Variants in NEGR1 observed in about 807,000 individuals in gnomAD.
NEGR1 encodes the protein neuronal growth regulator 1.
A neutral mutation model predicts 40.9 loss-of-function variants in NEGR1; 10 were observed. The ratio of observed to expected loss-of-function variants is 0.24; its 90% CI spans 0.15 to 0.42. The LOEUF is 0.42. NEGR1 is among the 10% of genes least tolerant of loss of function. NEGR1 has a pLI of 1.00. For synonymous variants in NEGR1, 185 were observed against 166.8 expected, an observed-to-expected ratio of 1.11 and a Z score of -0.84; for missense variants, 352 against 438.9, an observed-to-expected ratio of 0.80 and a Z score of 1.77.
intron 1 of NEGR1, among the ~76,000 whole-genome samples, chr1:72,129,121 A>C (rs1341672342): frequency 1.3e-5 from 2 of 152,144 alleles, no homozygotes; most frequent in African/African-American, 4.8e-5. Flanking sequence ...GGAACTTTTC[A>C]GCCCCCTTAA....
In NEGR1 at chr1:71,641,458, G is replaced by T. The variant is rs373686558; in HGVS notation, c.668-30312C>A. On this transcript the variant is annotated intron_variant, in intron 4 of 6. Coordinates refer to ENST00000357731, the MANE Select transcript of NEGR1 (RefSeq NM_173808.3). ...CAAATGCATGAAAAAGCATGATGGT[G>T]ACCCAGTGGTGGGTTTCCTCTGTAT... 1.1e-4 allele frequency among the ~76,000 whole-genome samples: 16 copies of T among 152,156 alleles called. No individual in the cohort carries two copies. The East Asian group carries it at 2.9e-3, about 28-fold the overall frequency.
intron 3 of NEGR1, among the ~76,000 whole-genome samples, chr1:71,729,815 T>A (rs566088481): frequency 6.6e-6 from 1 of 150,964 alleles, no homozygotes; most frequent in East Asian, 2.0e-4. Flanking sequence ...TTTTTGTTTT[T>A]TTGTTTTGTT....
At chr1:72,095,344 T>A in intron 1 of NEGR1, among the ~76,000 whole-genome samples, 1 of 152,230 alleles carries the variant, frequency 6.6e-6, no homozygotes, top group South Asian at 2.1e-4. Flanking sequence ...TTTCCTTACT[T>A]TATCAATAAT....
chr1:71,956,340 A>T (rs919448375), intron 1 of NEGR1, among the ~76,000 whole-genome samples: 2 of 152,164 alleles, frequency 1.3e-5, no homozygotes, highest in South Asian at 2.1e-4. Context: ...ACAAATTAGA[A>T]ATATATTCAA....
At chr1:71,795,410 T>C (rs1299336151) in intron 2 of NEGR1, among the ~76,000 whole-genome samples, 1 of 152,086 alleles carries the variant, frequency 6.6e-6, no homozygotes, top group Admixed American at 6.6e-5. Context: ...GTTCTCAATA[T>C]TGAATGCACA....
intron 6 of NEGR1, among the ~76,000 whole-genome samples, chr1:71,577,838 G>T (rs1252013503): frequency 6.6e-6 from 1 of 152,108 alleles, no homozygotes; most frequent in Non-Finnish European, 1.5e-5. Flanking sequence ...AATCACAAAA[G>T]ATAATAATGT....
rs542191020 is a variant in NEGR1, at chr1:71,578,870, C to G, written c.940+13947G>C. 1.7e-4 allele frequency among the ~76,000 whole-genome samples: 26 copies of G among 152,158 alleles called. No individual in the cohort carries two copies. The East Asian group carries it at 4.8e-3, about 28-fold the overall frequency. ...CTATTTCTTTAAGAAAAAATTGGCA[C>G]AAGCATATCTGATTTTCCAGAAATA... On this transcript the variant is annotated intron_variant, in intron 6 of 6. Transcript: ENST00000357731.
At position 71,524,727 on chromosome 1, in the gene NEGR1, C is replaced by T. The variant is rs146966149; in HGVS notation, c.940+68090G>A. Among the ~76,000 whole-genome samples the T allele has an allele frequency of 8.3e-3, 1,267 of 151,766 alleles. 46 individuals are homozygous for T. The highest frequency in any genetic ancestry group is 0.059 in the East Asian group (301 of 5,116). On this transcript the variant is annotated intron_variant, in intron 6 of 6. Coordinates refer to ENST00000357731, the MANE Select transcript of NEGR1 (RefSeq NM_173808.3). ...AGGTAGCAGATTGGATTATGATTAG[C>T]TGACTTTAAAATAGGTAGATTATCC...
chr1:71,663,322 ATCTTAAT>A (rs1652132501), intron 4 of NEGR1, among the ~76,000 whole-genome samples: 1 of 152,156 alleles, frequency 6.6e-6, no homozygotes, highest in Non-Finnish European at 1.5e-5. Context: ...CAGCTTCTAC[ATCTTAAT>A]TCTTATCATG....
At chr1:72,242,659 ATCAG>A (rs1654784057) in intron 1 of NEGR1, among the ~76,000 whole-genome samples, 1 of 151,722 alleles carries the variant, frequency 6.6e-6, no homozygotes, top group Non-Finnish European at 1.5e-5. Context: ...GCTAACATTT[ATCAG>A]GCACTTATGT....
intron 6 of NEGR1, among the ~76,000 whole-genome samples, chr1:71,552,552 A>G (rs1437979140): frequency 6.8e-6 from 1 of 148,012 alleles, no homozygotes; most frequent in Non-Finnish European, 1.5e-5. Flanking sequence ...TAGTCTATAT[A>G]TAGGATATAT....
intron 4 of NEGR1, among the ~76,000 whole-genome samples, chr1:71,628,678 TC>T (rs1650870182): frequency 6.6e-6 from 1 of 151,968 alleles, no homozygotes; most frequent in Admixed American, 6.6e-5. Flanking sequence ...GGTTTTCTGT[TC>T]CTGTATTAGT....
At chr1:71,927,508 A>G (rs1448023026) in intron 2 of NEGR1, among the ~76,000 whole-genome samples, 9 of 152,102 alleles carry the variant, frequency 5.9e-5, no homozygotes, top group Non-Finnish European at 1.3e-4. Flanking sequence ...AATCTTGCTA[A>G]AGTCTAAGAT....
chr1:71,735,689 A>C (rs1655022445), intron 3 of NEGR1, among the ~76,000 whole-genome samples: 2 of 152,032 alleles, frequency 1.3e-5, no homozygotes, highest in African/African-American at 2.4e-5. Flanking sequence ...TAAGTATATA[A>C]AATGTAAAAG....
chr1:71,919,165 C>A (rs1304107616), intron 2 of NEGR1, among the ~76,000 whole-genome samples: 1 of 152,110 alleles, frequency 6.6e-6, no homozygotes, highest in East Asian at 1.9e-4. Flanking sequence ...AATAATTTTC[C>A]AGCTGGATTC....
intron 6 of NEGR1, among the ~76,000 whole-genome samples, chr1:71,579,022 G>A (rs752590673): frequency 1.3e-5 from 2 of 152,082 alleles, no homozygotes; most frequent in Non-Finnish European, 2.9e-5. Flanking sequence ...CACAGCTTAC[G>A]AACCAAAGCA....
intron 6 of NEGR1, among the ~76,000 whole-genome samples, chr1:71,560,208 T>C (rs1456729852): frequency 6.6e-6 from 1 of 151,208 alleles, no homozygotes; most frequent in Non-Finnish European, 1.5e-5. Context: ...TCTATTCTTA[T>C]AGTTTCCACT....
intron 4 of NEGR1, among the ~76,000 whole-genome samples, chr1:71,638,543 G>A (rs1270259499): frequency 1.3e-5 from 2 of 152,054 alleles, no homozygotes; most frequent in Non-Finnish European, 2.9e-5. Flanking sequence ...CAGTGATAGG[G>A]ACATCAATTG....
chr1:71,417,704 AAAATTATCCCTTCTAGTGTTATGATAAGC>A (rs1381683834), intron 6 of NEGR1, among the ~76,000 whole-genome samples: 1 of 152,210 alleles, frequency 6.6e-6, no homozygotes, highest in Non-Finnish European at 1.5e-5. Flanking sequence ...CAAAGGGGAT[AAAATTATCCCTTCTAGTGTTATGATAAGC>A]AAATTAGACA....
Sources: gnomAD v4.1 joint callset for allele counts (sites outside exome capture counted in the v4.1 genomes callset) on GRCh38, gnomAD v4.1.1 for gene constraint, MANE v1.5 for transcripts, NCBI Gene and HGNC (gene_info 2026-07-23, HGNC 2026-07-21) for gene names.